BEND3: variants seen among roughly 807,000 people sequenced by gnomAD.
BEND3 encodes BEN domain-containing protein 3.
A neutral mutation model predicts 60.1 loss-of-function variants in BEND3; 13 were observed. The ratio of observed to expected loss-of-function variants is 0.22; its 90% CI spans 0.14 to 0.34. BEND3 has a LOEUF of 0.34. Ranked by LOEUF, BEND3 falls within the 10% of genes least tolerant of loss-of-function variation. The probability of loss-of-function intolerance (pLI) is 1.00; values close to 1 mark genes in which losing one functional copy is unlikely to be tolerated. For missense variants in BEND3, 896 were observed against 1,138.1 expected (o/e 0.79, Z 3.06); for synonymous variants, 497 against 491.5 (o/e 1.01, Z -0.15).
Position 107,069,916 on chromosome 6 carries a change from G to A in BEND3, c.1275C>T (p.His425=), listed in dbSNP as rs1774929701. 3.7e-6 allele frequency: 6 copies of A among 1,613,856 alleles called. No homozygotes were observed. Among genetic ancestry groups the A allele is most frequent in the Non-Finnish European group, 4.2e-6 (5 of 1,180,038 alleles). The part of the protein sequence containing the change: ...LHRLFPELFD[H]RKLGEQYSCY... Reference sequence around the variant, plus strand: ...AGCTGTACTGTTCACCCAGCTTGCGGTGGTCGAAGAGCTCGGGGAAGAGCC... The same window carrying A: ...AGCTGTACTGTTCACCCAGCTTGCGATGGTCGAAGAGCTCGGGGAAGAGCC... The change falls in exon 4 of 4, where the codon CAC becomes CAT. Residue 425 remains histidine (H), a synonymous_variant. Coordinates refer to ENST00000369042, the MANE Select transcript of BEND3 (RefSeq NM_001367314.1).
At position 107,070,891 on chromosome 6, in the gene BEND3, C is replaced by A. The variant is rs1554231960; in HGVS notation, c.300G>T (p.Glu100Asp). 6.2e-7 allele frequency: 1 copy of A among 1,613,968 alleles called. No individual in the cohort carries two copies. The highest frequency in any genetic ancestry group is 8.5e-7 in the Non-Finnish European group (1 of 1,179,992). ...CCAGGCTCCTGCCCCTGCCGGCCTG[C>A]TCACCATTGCCTTGGCAGGGCGAGC... ...ENSSPCQGNGEQAGRGRSLGN... is the reference protein window; with the variant it reads ...ENSSPCQGNGDQAGRGRSLGN... Residue 100 changes from glutamate to aspartate, a missense_variant, in exon 4 of 4, where the codon GAG (glutamate) becomes GAT (aspartate). Glu to Asp is a conservative substitution (Grantham distance 45, BLOSUM62 2). Coordinates refer to ENST00000369042, the MANE Select transcript of BEND3 (RefSeq NM_001367314.1). The surrounding 1 kb of genome is among the most constrained non-coding windows in gnomAD (Gnocchi z 6.9).
intron 1 of BEND3, among the ~76,000 whole-genome samples, chr6:107,102,700 C>G (rs1775726217): frequency 6.6e-6 from 1 of 152,234 alleles, no homozygotes; most frequent in Non-Finnish European, 1.5e-5. Context: ...GCTGGGGAAT[C>G]TCCCATTTGC....
intron 3 of BEND3, among the ~76,000 whole-genome samples, chr6:107,086,895 C>T (rs1474542872): frequency 6.7e-6 from 1 of 149,434 alleles, no homozygotes; most frequent in Admixed American, 6.7e-5. Flanking sequence ...CATGGTTGTA[C>T]ACGCCTGTAG....
chr6:107,083,182 C>T (rs1167533661), intron 3 of BEND3, among the ~76,000 whole-genome samples: 2 of 152,172 alleles, frequency 1.3e-5, no homozygotes, highest in Non-Finnish European at 2.9e-5. Context: ...CAGATCAGAT[C>T]TGTGGGTTTT....
Position 107,070,717 on chromosome 6 carries a change from C to T in BEND3, c.474G>A (p.Lys158=). Residue 158 remains lysine (K), a synonymous_variant, in exon 4 of 4, where the codon AAG becomes AAA. Transcript: ENST00000369042. The surrounding 1 kb of genome is among the most constrained non-coding windows in gnomAD (Gnocchi z 6.9). ...ACGAGGGGCTGTTGCTGGCGTTTGCCTTCTCAAAGAGCTCGTACACGTTTA... is the reference window on the plus strand; with the variant it reads ...ACGAGGGGCTGTTGCTGGCGTTTGCTTTCTCAAAGAGCTCGTACACGTTTA... The part of the protein sequence containing the change: ...DLLNVYELFE[K]ANASNSPSSL... 6.2e-7 allele frequency: 1 copy of T among 1,613,742 alleles called. No individual in the cohort carries two copies. The highest frequency in any genetic ancestry group is 8.5e-7 in the Non-Finnish European group (1 of 1,180,024).
intron 3 of BEND3, among the ~76,000 whole-genome samples, chr6:107,073,226 T>TGTGAGCA: frequency 3.2e-4 from 4 of 12,430 alleles, no homozygotes; most frequent in Non-Finnish European, 6.7e-4. Flanking sequence ...TATATATATA[T>TGTGAGCA]ATATATATAT....
rs1554231374 is a variant in BEND3, at chr6:107,069,211, G to C, written c.1980C>G (p.Val660=). 6.2e-7 allele frequency: 1 copy of C among 1,612,508 alleles called. No individual in the cohort carries two copies. Among genetic ancestry groups the C allele is most frequent in the Non-Finnish European group, 8.5e-7 (1 of 1,179,968 alleles). The change falls in exon 4 of 4, where the codon GTC becomes GTG. Residue 660 remains valine, a synonymous_variant. Transcript: ENST00000369042. ...CTCTGCACTCAGGGCCCGGCACGTG[G>C]ACCTTGCGCTGCTGCTGGTAGGAGC... is the stretch of plus-strand genomic sequence containing the variant. ...QRRSYQQQRK[V]HVPGPECRDL...
chr6:107,112,124 C>A (rs6917915), intron 1 of BEND3, among the ~76,000 whole-genome samples: 7,325 of 152,220 alleles, frequency 0.048, 622 homozygotes, highest in African/African-American at 0.17. Context: ...AATTTGAGGT[C>A]TTTAAACTTT....
intron 3 of BEND3, among the ~76,000 whole-genome samples, chr6:107,096,681 A>C (rs1554235982): frequency 6.6e-6 from 1 of 152,224 alleles, no homozygotes; most frequent in Non-Finnish European, 1.5e-5. Context: ...TAGAAAGTAC[A>C]TTAGTGATTG....
At chr6:107,093,666 A>T (rs1554235564) in intron 3 of BEND3, among the ~76,000 whole-genome samples, 1 of 152,222 alleles carries the variant, frequency 6.6e-6, no homozygotes, top group Non-Finnish European at 1.5e-5. Flanking sequence ...AACATATTTT[A>T]CTGGACCAAA....
chr6:107,101,058 T>C (rs1476681202), intron 1 of BEND3, among the ~76,000 whole-genome samples: 2 of 152,162 alleles, frequency 1.3e-5, no homozygotes, highest in African/African-American at 4.8e-5. Context: ...AAAAATTAGC[T>C]GGGCATGGTG....
At chr6:107,086,034 G>T (rs1034895081) in intron 3 of BEND3, among the ~76,000 whole-genome samples, 1 of 151,912 alleles carries the variant, frequency 6.6e-6, no homozygotes, top group South Asian at 2.1e-4. Flanking sequence ...TGATCTGCCC[G>T]CCTCGGCCTC....
At position 107,068,182 on chromosome 6, in the gene BEND3, T is replaced by A. The variant is rs1205863572; in HGVS notation, c.*522A>T. ...AAAAACAAGGTCAGTAAAATCAGTA[T>A]CCATGCCACCTGAAGCTATGATTAG... On this transcript the variant is annotated 3_prime_UTR_variant, in exon 4 of 4. Transcript: ENST00000369042. The surrounding 1 kb of genome is among the most constrained non-coding windows in gnomAD (Gnocchi z 5.8). 1 of 153,076 alleles carries A rather than the reference T, an allele frequency of 6.5e-6. No homozygotes were observed. Among genetic ancestry groups the A allele is most frequent in the East Asian group, 1.9e-4 (1 of 5,200 alleles). The allele number at this position is 153,076 out of a possible 1,614,324, so 9.5% of individuals were successfully genotyped here.
chr6:107,093,455 C>T (rs1475817536), intron 3 of BEND3, among the ~76,000 whole-genome samples: 5 of 148,874 alleles, frequency 3.4e-5, no homozygotes, highest in Middle Eastern at 3.3e-3. Flanking sequence ...AGCGAGACTC[C>T]GTCTCAAAAA....
chr6:107,098,309 C>T (rs550406007), intron 3 of BEND3, among the ~76,000 whole-genome samples: 30 of 152,302 alleles, frequency 2.0e-4, no homozygotes, highest in South Asian at 1.0e-3. Flanking sequence ...AGCAAAATAA[C>T]GCAAAAGCAG....
At chr6:107,080,045 G>T (rs1246889304) in intron 3 of BEND3, among the ~76,000 whole-genome samples, 1 of 151,796 alleles carries the variant, frequency 6.6e-6, no homozygotes, top group Non-Finnish European at 1.5e-5. Context: ...CTACTTTTTT[G>T]ATTATCACTG....
intron 3 of BEND3, among the ~76,000 whole-genome samples, chr6:107,073,210 T>C (rs1554232327): frequency 6.5e-4 from 2 of 3,068 alleles, no homozygotes; most frequent in African/African-American, 1.0e-3. Context: ...TGTATATATA[T>C]ATATATATAT....
chr6:107,102,434 G>A (rs1344088498), intron 1 of BEND3, among the ~76,000 whole-genome samples: 1 of 152,206 alleles, frequency 6.6e-6, no homozygotes, highest in Non-Finnish European at 1.5e-5. Context: ...CCTATAAAGT[G>A]ATGAAGGAAG....
chr6:107,103,981 AAGAAAG>A (rs1554237048), intron 1 of BEND3, among the ~76,000 whole-genome samples: 5 of 151,102 alleles, frequency 3.3e-5, no homozygotes, highest in African/African-American at 4.9e-5. Context: ...GAAAGAAAGA[AAGAAAG>A]AAAAAACAAA....
Sources: allele counts gnomAD v4.1 joint callset (sites outside exome capture counted in the v4.1 genomes callset), GRCh38; gene constraint gnomAD v4.1.1; non-coding constraint Gnocchi (gnomAD v3.1); transcripts MANE v1.5; gene names NCBI Gene and HGNC (gene_info 2026-07-23, HGNC 2026-07-21).